SUGCT: variants seen among roughly 807,000 people sequenced by gnomAD.
SUGCT encodes the protein succinyl-CoA:glutarate CoA-transferase.
A neutral mutation model predicts 55.0 loss-of-function variants in SUGCT; 41 were observed. The observed-to-expected ratio is 0.74, with a 90% CI of 0.58 to 0.97. The LOEUF (loss-of-function observed/expected upper bound fraction) is 0.97, where lower values mean the gene tolerates loss of function less well. SUGCT is among the 50% of genes least tolerant of loss of function. SUGCT has a pLI of 0.00. For synonymous variants in SUGCT, 187 were observed against 200.4 expected (o/e 0.93, Z 0.56); for missense variants, 568 against 547.8 (o/e 1.04, Z -0.37).
At chr7:40,272,658 A>AT (rs200726368) in intron 7 of SUGCT, among the ~76,000 whole-genome samples, 98 of 144,944 alleles carry the variant, frequency 6.8e-4, no homozygotes, top group South Asian at 5.9e-3. Context: ...TATTATTATT[A>AT]TTATTATTTT....
intron 6 of SUGCT, among the ~76,000 whole-genome samples, chr7:40,222,456 G>T (rs564236777): frequency 6.6e-6 from 1 of 152,290 alleles, no homozygotes; most frequent in East Asian, 1.9e-4. Flanking sequence ...ACATGGATTT[G>T]CTTCTGTCAC....
intron 12 of SUGCT, among the ~76,000 whole-genome samples, chr7:40,536,538 A>G (rs984428357): frequency 2.0e-5 from 3 of 152,250 alleles, no homozygotes; most frequent in South Asian, 2.1e-4. Flanking sequence ...GCTGTTTACA[A>G]TTGGATGTGA....
At chr7:40,248,473 G>A (rs376924182) in intron 7 of SUGCT, among the ~76,000 whole-genome samples, 1 of 152,070 alleles carries the variant, frequency 6.6e-6, no homozygotes, top group Non-Finnish European at 1.5e-5. Context: ...CTCTTGCTGG[G>A]CATTTAGTCT....
chr7:40,421,209 G>A (rs1488317515), intron 9 of SUGCT, among the ~76,000 whole-genome samples: 3 of 152,146 alleles, frequency 2.0e-5, no homozygotes, highest in Admixed American at 1.3e-4. Context: ...CAGAGGTCTT[G>A]AGCTACTGCT....
intron 13 of SUGCT, among the ~76,000 whole-genome samples, chr7:40,789,945 G>A (rs1307583415): frequency 6.6e-6 from 1 of 152,082 alleles, no homozygotes; most frequent in Admixed American, 6.5e-5. Context: ...AATGCCCCAG[G>A]AAAAATTCAA....
chr7:40,736,061 A>C (rs1322767815), intron 12 of SUGCT, among the ~76,000 whole-genome samples: 1 of 151,856 alleles, frequency 6.6e-6, no homozygotes, highest in Non-Finnish European at 1.5e-5. Context: ...ATAGATCTGA[A>C]TAAATTAATT....
intron 12 of SUGCT, among the ~76,000 whole-genome samples, chr7:40,612,012 CTT>C (rs60231610): frequency 5.5e-5 from 8 of 145,228 alleles, no homozygotes; most frequent in South Asian, 2.2e-4. Context: ...ATTCCCCCCC[CTT>C]TTTTTTTTTA....
chr7:40,748,812 A>G (rs1787867574), intron 12 of SUGCT, among the ~76,000 whole-genome samples: 1 of 152,102 alleles, frequency 6.6e-6, no homozygotes, highest in Non-Finnish European at 1.5e-5. Flanking sequence ...CTTGGCCACC[A>G]TTGAAAATGT....
chr7:40,453,589 G>T (rs868409410), intron 10 of SUGCT, among the ~76,000 whole-genome samples: 1 of 152,172 alleles, frequency 6.6e-6, no homozygotes, highest in Non-Finnish European at 1.5e-5. Context: ...AAATAACACT[G>T]CAAAGGCTTT....
intron 9 of SUGCT, among the ~76,000 whole-genome samples, chr7:40,377,206 T>TC (rs1385857465): frequency 8.7e-3 from 57 of 6,582 alleles, no homozygotes; most frequent in Middle Eastern, 0.062. Flanking sequence ...TTCTTTTCTT[T>TC]TCTTTTCTTT....
chr7:40,182,107 G>C, intron 3 of SUGCT, 79 bp downstream of exon 3: 1 of 813,484 alleles, frequency 1.2e-6, no homozygotes, highest in Middle Eastern at 3.6e-4. Flanking sequence ...CCCATGTTTA[G>C]TGTACCTATA....
At chr7:40,160,788 TA>T (rs1784106060) in intron 1 of SUGCT, among the ~76,000 whole-genome samples, 1 of 152,030 alleles carries the variant, frequency 6.6e-6, no homozygotes, top group African/African-American at 2.4e-5. Context: ...AAGTACAAAT[TA>T]AAATAATAGT....
chr7:40,686,544 A>G (rs1784473513), intron 12 of SUGCT, among the ~76,000 whole-genome samples: 1 of 152,168 alleles, frequency 6.6e-6, no homozygotes, highest in Non-Finnish European at 1.5e-5. Flanking sequence ...GGAGCTTTGT[A>G]TGTGTGAGTA....
intron 9 of SUGCT, among the ~76,000 whole-genome samples, chr7:40,425,857 T>C (rs1274173205): frequency 3.9e-5 from 6 of 152,160 alleles, no homozygotes; most frequent in Non-Finnish European, 7.4e-5. Context: ...AGACAAGCAA[T>C]TGCACCTTAG....
At chr7:40,734,009 GACTT>G (rs1787032434) in intron 12 of SUGCT, among the ~76,000 whole-genome samples, 2 of 152,158 alleles carry the variant, frequency 1.3e-5, no homozygotes, top group Non-Finnish European at 2.9e-5. Context: ...TATTCTTGTG[GACTT>G]ACTAAGGGAA....
chr7:40,148,051 C>T (rs1584178838), intron 1 of SUGCT, among the ~76,000 whole-genome samples: 1 of 152,134 alleles, frequency 6.6e-6, no homozygotes, highest in African/African-American at 2.4e-5. Context: ...ACAGGCTAAA[C>T]TAACTCTGAT....
At chr7:40,699,510 G>A (rs1785082791) in intron 12 of SUGCT, among the ~76,000 whole-genome samples, 1 of 152,142 alleles carries the variant, frequency 6.6e-6, no homozygotes, top group South Asian at 2.1e-4. Flanking sequence ...GTCCTGCAGA[G>A]GTATGTTGTA....
chr7:40,625,177 A>G (rs887931043), intron 12 of SUGCT, among the ~76,000 whole-genome samples: 2 of 151,886 alleles, frequency 1.3e-5, no homozygotes, highest in African/African-American at 2.4e-5. Context: ...CGAACTCTTG[A>G]CCTGACTGCA....
At chr7:40,448,956 A>G (rs1042642616) in intron 9 of SUGCT, among the ~76,000 whole-genome samples, 25 of 148,628 alleles carry the variant, frequency 1.7e-4, no homozygotes, top group African/African-American at 5.5e-4. Context: ...GTGTGTATAT[A>G]TATATAGAGA....
Sources: allele counts gnomAD v4.1 joint callset (sites outside exome capture counted in the v4.1 genomes callset), GRCh38; gene constraint gnomAD v4.1.1; transcripts MANE v1.5; gene names NCBI Gene and HGNC (gene_info 2026-07-23, HGNC 2026-07-21).